ZNF730: variants seen among roughly 807,000 people sequenced by gnomAD.
The protein encoded by ZNF730 is zinc finger protein 730, also known as putative zinc finger protein 730.
A neutral mutation model predicts 12.6 loss-of-function variants in ZNF730; 12 were observed. That is an observed-to-expected ratio of 0.95 (90% CI 0.61 to 1.54). The LOEUF is 1.54. ZNF730 is among the 40% of genes most tolerant of loss of function. The probability of loss-of-function intolerance (pLI) is 0.00; values close to 1 mark genes in which losing one functional copy is unlikely to be tolerated. For synonymous variants in ZNF730, 194 were observed against 195.8 expected (o/e 0.99, Z 0.08); for missense variants, 643 against 583.5 (o/e 1.10, Z -1.05).
At chr19:23,126,120 T>C (rs1318890764) in intron 1 of ZNF730, among the ~76,000 whole-genome samples, 3 of 152,204 alleles carry the variant, frequency 2.0e-5, no homozygotes, top group Non-Finnish European at 2.9e-5. Context: ...TAAGGTGGTA[T>C]ATAATGCTTT....
At chr19:23,108,188 C>T (rs1356009822) in intron 1 of ZNF730, among the ~76,000 whole-genome samples, 1 of 152,164 alleles carries the variant, frequency 6.6e-6, no homozygotes, top group African/African-American at 2.4e-5. Context: ...TGTTAATTTA[C>T]AGCGGTGGCA....
chr19:23,118,808 T>C (rs1336018602), intron 1 of ZNF730, among the ~76,000 whole-genome samples: 1 of 152,220 alleles, frequency 6.6e-6, no homozygotes, highest in African/African-American at 2.4e-5. Flanking sequence ...CCTATTCTTT[T>C]ATTTGGTAGC....
intron 1 of ZNF730, among the ~76,000 whole-genome samples, chr19:23,104,167 T>C (rs1228192075): frequency 6.6e-6 from 1 of 151,962 alleles, no homozygotes; most frequent in Non-Finnish European, 1.5e-5. Context: ...ATTAGCATGG[T>C]GGCTGGCACC....
At chr19:23,098,188 G>C (rs1410741439) in intron 1 of ZNF730, among the ~76,000 whole-genome samples, 2 of 150,818 alleles carry the variant, frequency 1.3e-5, no homozygotes, top group African/African-American at 4.9e-5. Flanking sequence ...CACTGGGACT[G>C]ACACCTAGGT....
chr19:23,087,148 C>T, intron 1 of ZNF730, among the ~76,000 whole-genome samples: 1 of 152,162 alleles, frequency 6.6e-6, no homozygotes, highest in Admixed American at 6.6e-5. Flanking sequence ...TGGCTCATGC[C>T]TATAATCCCA....
At chr19:23,091,654 G>T (rs1027054708) in intron 1 of ZNF730, among the ~76,000 whole-genome samples, 2 of 152,160 alleles carry the variant, frequency 1.3e-5, no homozygotes, top group African/African-American at 4.8e-5. Context: ...TGACTGCCTC[G>T]CTGGATTTTG....
At chr19:23,118,672 C>CT (rs1393585919) in intron 1 of ZNF730, among the ~76,000 whole-genome samples, 3 of 152,196 alleles carry the variant, frequency 2.0e-5, no homozygotes, top group African/African-American at 4.8e-5. Flanking sequence ...CCTAGCTTCC[C>CT]TTTCTTAGAG....
At chr19:23,143,534 T>G (rs1019294456) in intron 3 of ZNF730, 5 of 152,230 alleles carry the variant, frequency 3.3e-5, no homozygotes, top group African/African-American at 1.2e-4. Flanking sequence ...TTTGTTTGAT[T>G]ATATGGTATT....
intron 1 of ZNF730, among the ~76,000 whole-genome samples, chr19:23,078,647 C>T (rs978968882): frequency 1.3e-5 from 2 of 152,082 alleles, no homozygotes; most frequent in Admixed American, 6.6e-5. Context: ...TGCTGAGCGC[C>T]GCCCCTGGGC....
At chr19:23,118,570 A>C (rs1194249060) in intron 1 of ZNF730, among the ~76,000 whole-genome samples, 9 of 152,042 alleles carry the variant, frequency 5.9e-5, no homozygotes, top group African/African-American at 1.4e-4. Context: ...GTAGTCTCTC[A>C]AGAGAGCAGG....
intron 1 of ZNF730, among the ~76,000 whole-genome samples, chr19:23,093,623 T>C (rs367693993): frequency 2.0e-5 from 3 of 152,082 alleles, no homozygotes; most frequent in African/African-American, 7.2e-5. Context: ...GAGGCACTGG[T>C]GTCTGGGGAT....
chr19:23,102,856 T>C (rs895840379), intron 1 of ZNF730, among the ~76,000 whole-genome samples: 4 of 152,180 alleles, frequency 2.6e-5, no homozygotes, highest in Non-Finnish European at 4.4e-5. Context: ...CTGTTTCTTA[T>C]AGCTAGGCTT....
intron 1 of ZNF730, among the ~76,000 whole-genome samples, chr19:23,105,786 G>T (rs138785365): frequency 5.9e-5 from 9 of 152,240 alleles, no homozygotes; most frequent in African/African-American, 1.9e-4. Flanking sequence ...AAAAAGCTAG[G>T]TATAAACCAG....
intron 1 of ZNF730, chr19:23,100,484 A>C (rs895317814): frequency 1.3e-5 from 2 of 152,164 alleles, no homozygotes; most frequent in African/African-American, 4.8e-5. Context: ...ATCGTGTTCT[A>C]TACACAGCCC....
chr19:23,146,897 G>T lies in ZNF730; in HGVS notation c.*341G>T. 2 of 548,930 alleles carry T rather than the reference G, an allele frequency of 3.6e-6. No individual in the cohort carries two copies. Among genetic ancestry groups the T allele is most frequent in the Non-Finnish European group, 6.6e-6 (2 of 305,062 alleles). The allele number at this position is 548,930 out of a possible 1,614,324, so 34.0% of individuals were successfully genotyped here. A position where few individuals can be genotyped will look rare whatever the true frequency, so the allele number is the denominator to read the frequency against. On this transcript the variant is annotated 3_prime_UTR_variant, in exon 4 of 4. Coordinates refer to ENST00000597761, the MANE Select transcript of ZNF730 (RefSeq NM_001277403.2). ...AGAGAGAAACTCTACAAACCTGAAA[G>T]TTTTAACAGTGCTTTTGACAACACC...
At chr19:23,142,555 G>A (rs1970937228) in intron 3 of ZNF730, among the ~76,000 whole-genome samples, 1 of 151,814 alleles carries the variant, frequency 6.6e-6, no homozygotes, top group Admixed American at 6.6e-5. Flanking sequence ...GGGTATGGTG[G>A]CGGGCGCCTG....
chr19:23,112,720 C>G (rs748483573), upstream of ZNF730, among the ~76,000 whole-genome samples: 6 of 136,242 alleles, frequency 4.4e-5, no homozygotes, highest in Non-Finnish European at 7.9e-5. Context: ...GAGACTTCGT[C>G]TCAAAAAAAT....
chr19:23,112,740 A>G (rs1480949433), upstream of ZNF730, among the ~76,000 whole-genome samples: 3 of 151,996 alleles, frequency 2.0e-5, no homozygotes, highest in Non-Finnish European at 4.4e-5. Context: ...TAGAAGAAAA[A>G]AAAAAAAAAA....
At chr19:23,142,687 C>CAAA (rs55654522) in intron 3 of ZNF730, among the ~76,000 whole-genome samples, 3 of 75,576 alleles carry the variant, frequency 4.0e-5, no homozygotes, top group African/African-American at 9.9e-5. Flanking sequence ...GACTCTGTCT[C>CAAA]AAAAAAAAAA....
Sources: allele counts gnomAD v4.1 joint callset (sites outside exome capture counted in the v4.1 genomes callset), GRCh38; gene constraint gnomAD v4.1.1; transcripts MANE v1.5; gene names NCBI Gene and HGNC (gene_info 2026-07-23, HGNC 2026-07-21).